Variants in FAS observed in about 807,000 individuals in gnomAD.
The protein encoded by FAS is tumor necrosis factor receptor superfamily member 6.
A neutral mutation model predicts 33.2 loss-of-function variants in FAS; 5 were observed. The ratio of observed to expected loss-of-function variants is 0.15; its 90% CI spans 0.08 to 0.32. The LOEUF (loss-of-function observed/expected upper bound fraction) is 0.32. Ranked by LOEUF, FAS falls within the 10% of genes least tolerant of loss-of-function variation. The probability of loss-of-function intolerance (pLI) is 1.00; values close to 1 mark genes in which losing one functional copy is unlikely to be tolerated. For synonymous variants in FAS, 131 were observed against 130.7 expected (o/e 1.00, Z -0.01); for missense variants, 339 against 386.0 (o/e 0.88, Z 1.02).
chr10:89,007,794 T>G lies in FAS; in HGVS notation c.291T>G (p.Phe97Leu). Residue 97 changes from phenylalanine (F) to leucine (L), a missense_variant, in exon 3 of 9, where the codon TTT becomes TTG. By Grantham distance (22) the Phe-to-Leu change is conservative (BLOSUM62 0). Around this residue, in one of 3 missense-constraint regions of FAS, gnomAD observed 276 missense variants for 300.1 expected, o/e 0.92. Transcript: ENST00000652046. The stretch of plus-strand genomic sequence containing the variant: ...AGGAGTACACAGACAAAGCCCATTT[T>G]TCTTCCAAATGCAGAAGATGTAGAT... ...EGKEYTDKAH[F>L]SSKCRRCRLC... 1 of 1,614,068 alleles carries G rather than the reference T, an allele frequency of 6.2e-7. No individual in the cohort carries two copies. The highest frequency in any genetic ancestry group is 8.5e-7 in the Non-Finnish European group (1 of 1,179,934).
At chr10:88,988,466 T>G (rs1846985521), upstream of FAS, among the ~76,000 whole-genome samples, 2 of 147,048 alleles carry the variant, frequency 1.4e-5, no homozygotes, top group Non-Finnish European at 3.0e-5. Context: ...CCTGTTTTTT[T>G]ACATAGTCAA....
intron 1 of FAS, among the ~76,000 whole-genome samples, chr10:88,967,264 C>T (rs933415075): frequency 6.6e-6 from 1 of 152,152 alleles, no homozygotes; most frequent in Non-Finnish European, 1.5e-5. Flanking sequence ...GGACAAGACT[C>T]TTATTACCTA....
At chr10:88,966,494 T>G (rs564604364) in intron 1 of FAS, among the ~76,000 whole-genome samples, 29 of 152,206 alleles carry the variant, frequency 1.9e-4, no homozygotes, top group Non-Finnish European at 4.0e-4. Flanking sequence ...AATTTCTGAT[T>G]GAAATATTGA....
rs769684168 is a variant in FAS at position 89,003,129 on chromosome 10, T to C, written c.131T>C (p.Val44Ala). The change falls in exon 2 of 9, where the codon GTT (valine) becomes GCT (alanine). Residue 44 changes from valine (V) to alanine (A), a missense_variant. Around this residue, in one of 3 missense-constraint regions of FAS, gnomAD observed 276 missense variants for 300.1 expected, o/e 0.92. Transcript: ENST00000652046. Reference sequence around the variant, plus strand: ...GAATTGAGGAAGACTGTTACTACAGTTGAGACTCAGAACTTGGAAGGCCTG... The same window carrying C: ...GAATTGAGGAAGACTGTTACTACAGCTGAGACTCAGAACTTGGAAGGCCTG... ...GLELRKTVTT[V>A]ETQNLEGLHH... 6.2e-7 allele frequency: 1 copy of C among 1,614,204 alleles called. No individual in the cohort carries two copies. Among genetic ancestry groups the C allele is most frequent in the East Asian group, 2.2e-5 (1 of 44,888 alleles).
intron 1 of FAS, among the ~76,000 whole-genome samples, chr10:89,002,194 TA>T (rs1387181186): frequency 3.3e-5 from 5 of 152,198 alleles, no homozygotes; most frequent in Non-Finnish European, 7.3e-5. Context: ...CTAGATGGAG[TA>T]AAATATTTAG....
intron 2 of FAS, among the ~76,000 whole-genome samples, chr10:88,978,305 C>T (rs868206471): frequency 2.9e-4 from 42 of 145,956 alleles, no homozygotes; most frequent in Middle Eastern, 3.5e-3. Flanking sequence ...TGCTAGATGA[C>T]GAGTTAGTGG....
chr10:88,978,699 G>A (rs538325038), intron 2 of FAS, among the ~76,000 whole-genome samples: 152 of 152,264 alleles, frequency 1.0e-3, no homozygotes, highest in African/African-American at 3.6e-3. Context: ...CTACTTCAGG[G>A]AACTGAAGAT....
At chr10:89,007,417 A>G (rs1011369798) in intron 2 of FAS, among the ~76,000 whole-genome samples, 10 of 152,088 alleles carry the variant, frequency 6.6e-5, no homozygotes, top group African/African-American at 2.4e-4. Context: ...CATGCAGTGT[A>G]CTTTGTCATT....
intron 3 of FAS, among the ~76,000 whole-genome samples, chr10:89,008,487 A>G (rs1848360561): frequency 6.6e-6 from 1 of 152,194 alleles, no homozygotes; most frequent in Non-Finnish European, 1.5e-5. Flanking sequence ...GTCCCATCTC[A>G]GGGCAATTAC....
At chr10:88,970,100 G>C (rs556422312) in intron 1 of FAS, among the ~76,000 whole-genome samples, 13 of 152,282 alleles carry the variant, frequency 8.5e-5, no homozygotes, top group African/African-American at 3.1e-4. Context: ...TATTCAAGCA[G>C]TCCATAAATC....
Position 89,014,400 on chromosome 10 carries a change from A to G in FAS, c.958A>G (p.Ser320Gly), listed in dbSNP as rs146209060. 4.4e-5 allele frequency: 71 copies of G among 1,612,978 alleles called. No homozygotes were observed. The African/African-American group carries it at 8.0e-4, about 18-fold the overall frequency. The change falls in exon 9 of 9, where the codon AGT (serine) becomes GGT (glycine). Residue 320 changes from serine (S) to glycine (G), a missense_variant. By Grantham distance (56) the Ser-to-Gly change is moderately conservative (BLOSUM62 0). Around this residue, in one of 3 missense-constraint regions of FAS, gnomAD observed 52 missense variants for 52.7 expected, o/e 0.99. Transcript: ENST00000652046. ...GACTATCATCCTCAAGGACATTACTAGTGACTCAGAAAATTCAAACTTCAG... is the reference window on the plus strand; with the variant it reads ...GACTATCATCCTCAAGGACATTACTGGTGACTCAGAAAATTCAAACTTCAG... ...IQTIILKDIT[S>G]DSENSNFRNE...
chr10:88,980,206 G>A (rs1846676394), intron 2 of FAS, among the ~76,000 whole-genome samples: 1 of 151,838 alleles, frequency 6.6e-6, no homozygotes, highest in African/African-American at 2.4e-5. Context: ...ACATGAGCAG[G>A]AATTAAACAT....
chr10:88,973,290 TCATCA>T, exon 2 of FAS: 1 of 1,612,220 alleles, frequency 6.2e-7, no homozygotes, highest in Non-Finnish European at 8.5e-7. Flanking sequence ...CTCTAGGTCA[TCATCA>T]CCATCTGAAC....
At chr10:88,969,474 T>C (rs1004687914) in intron 1 of FAS, among the ~76,000 whole-genome samples, 1 of 152,232 alleles carries the variant, frequency 6.6e-6, no homozygotes, top group African/African-American at 2.4e-5. Context: ...ATAGTCTCTG[T>C]TGTGCAAAGG....
intron 1 of FAS, among the ~76,000 whole-genome samples, chr10:88,995,266 C>T (rs1027181494): frequency 3.3e-5 from 5 of 152,178 alleles, no homozygotes; most frequent in East Asian, 1.9e-4. Flanking sequence ...CACTTGCCTA[C>T]CTTTACTGTC....
intron 7 of FAS, 58 bp downstream of exon 7, chr10:89,012,139 T>A (rs1416014950): frequency 7.0e-7 from 1 of 1,433,318 alleles, no homozygotes; most frequent in African/African-American, 1.4e-5. Context: ...AAATTAGTGA[T>A]TTGGCTTTTT....
upstream of FAS, among the ~76,000 whole-genome samples, chr10:88,984,444 T>G (rs888050978): frequency 6.6e-6 from 1 of 152,200 alleles, no homozygotes; most frequent in Admixed American, 6.5e-5. Context: ...TAAATGATAG[T>G]AGCACACTAG....
chr10:88,970,864 A>G (rs1846426494), intron 1 of FAS, among the ~76,000 whole-genome samples: 1 of 149,224 alleles, frequency 6.7e-6, no homozygotes, highest in Non-Finnish European at 1.5e-5. Flanking sequence ...AACTTAAAGT[A>G]TAATAAAAAA....
chr10:89,007,363 C>T (rs1848285558), intron 2 of FAS, among the ~76,000 whole-genome samples: 2 of 152,122 alleles, frequency 1.3e-5, no homozygotes, highest in Admixed American at 1.3e-4. Context: ...ACCAACCAAC[C>T]TCTCCCCTTT....
Sources: gnomAD v4.1 joint callset for allele counts (sites outside exome capture counted in the v4.1 genomes callset) on GRCh38, gnomAD v4.1.1 for gene constraint, gnomAD v4.1.1 regional missense constraint, MANE v1.5 for transcripts, NCBI Gene and HGNC (gene_info 2026-07-23, HGNC 2026-07-21) for gene names.